The following NDFIP1 variants were observed in gnomAD, a reference collection of about 807,000 sequenced individuals.
NDFIP1 encodes the protein Nedd4 family interacting protein 1, also known as NEDD4 family-interacting protein 1.
NDFIP1 carries 7 observed loss-of-function variants against 28.8 expected under a neutral mutation model. The ratio of observed to expected loss-of-function variants is 0.24; its 90% confidence interval spans 0.14 to 0.46. The LOEUF (loss-of-function observed/expected upper bound fraction) is 0.46. Among genes scored for constraint, NDFIP1 ranks in the 20% least tolerant of loss-of-function variants. NDFIP1 has a pLI of 0.99. For missense variants in NDFIP1, 194 were observed against 269.1 expected (o/e 0.72, Z 1.95); for synonymous variants, 92 against 101.0 (o/e 0.91, Z 0.53).
chr5:142,112,184 G>A (rs1162378708), intron 1 of NDFIP1, among the ~76,000 whole-genome samples: 1 of 152,024 alleles, frequency 6.6e-6, no homozygotes, highest in Non-Finnish European at 1.5e-5. Flanking sequence ...TCAAGAGATT[G>A]AGACCATCCT....
chr5:142,133,115 C>T (rs1270879543), intron 3 of NDFIP1, among the ~76,000 whole-genome samples: 1 of 152,170 alleles, frequency 6.6e-6, no homozygotes, highest in Non-Finnish European at 1.5e-5. Context: ...TGGCATAGGC[C>T]CAGATGTTCC....
chr5:142,135,694 C>G (rs549528442), intron 3 of NDFIP1, 36 bp from the exon 4 acceptor site: 2 of 1,576,840 alleles, frequency 1.3e-6, no homozygotes, highest in East Asian at 2.2e-5. Flanking sequence ...TATGTCTTCC[C>G]TTTGCCTAGA....
Position 142,153,226 on chromosome 5 carries a change from T to C in NDFIP1, c.*1498T>C, listed in dbSNP as rs566827272. 1.2e-3 allele frequency: 532 copies of C among 452,158 alleles called. 2 individuals are homozygous for C. The highest frequency in any genetic ancestry group is 0.01 in the African/African-American group (500 of 49,800). The allele number at this position is 452,158 out of a possible 1,614,324, so 28.0% of individuals were successfully genotyped here. A position where few individuals can be genotyped will look rare whatever the true frequency, so the allele number is the denominator to read the frequency against. Reference sequence around the variant, plus strand: ...TCTATTCTTGTCTCAATCTTAAATTTAGAGACCAGTTGTTTTTATGATATC... The same window carrying C: ...TCTATTCTTGTCTCAATCTTAAATTCAGAGACCAGTTGTTTTTATGATATC... On this transcript the variant is annotated 3_prime_UTR_variant, in exon 8 of 8. Coordinates refer to ENST00000253814, the MANE Select transcript of NDFIP1 (RefSeq NM_030571.4).
chr5:142,129,606 G>T (rs2126916650), intron 1 of NDFIP1, among the ~76,000 whole-genome samples: 1 of 152,286 alleles, frequency 6.6e-6, no homozygotes, highest in East Asian at 1.9e-4. Flanking sequence ...AGCATAGTGA[G>T]TGGAGATTGA....
rs182131829 is a variant in NDFIP1 at position 142,110,667 on chromosome 5, C to A, written c.63+1630C>A. The stretch of plus-strand genomic sequence containing the variant: ...TAAAAGATGAAAGCCCAAAAAACTG[C>A]AAAACCCTCCCTAAACAAAAACCAA... On this transcript the variant is annotated intron_variant, in intron 1 of 7. Transcript: ENST00000253814. 1.9e-3 allele frequency among the ~76,000 whole-genome samples: 291 copies of A among 152,090 alleles called. 1 individual carries two copies. The highest frequency in any genetic ancestry group is 6.7e-3 in the African/African-American group (276 of 41,488).
intron 6 of NDFIP1, chr5:142,144,020 A>T (rs1596795055): frequency 1.0e-5 from 1 of 98,802 alleles, no homozygotes; most frequent in South Asian, 3.0e-4. Flanking sequence ...AATAATAATA[A>T]TAATAATAGT....
chr5:142,143,080 G>T (rs1757353166), intron 6 of NDFIP1: 1 of 151,406 alleles, frequency 6.6e-6, no homozygotes, highest in African/African-American at 2.4e-5. Context: ...GCAGAGCTCT[G>T]TGCAGAGCTC....
At chr5:142,151,205 T>C (rs980221648) in intron 7 of NDFIP1, among the ~76,000 whole-genome samples, 1 of 152,258 alleles carries the variant, frequency 6.6e-6, no homozygotes, top group Non-Finnish European at 1.5e-5. Flanking sequence ...TTAAAAGTAT[T>C]TGTGGTACCT....
intron 1 of NDFIP1, among the ~76,000 whole-genome samples, chr5:142,130,437 G>T (rs774738983): frequency 6.6e-6 from 1 of 152,158 alleles, no homozygotes; most frequent in African/African-American, 2.4e-5. Flanking sequence ...AATTATTTAA[G>T]ATTTAATTTG....
chr5:142,130,701 A>AT lies in NDFIP1; in HGVS notation c.64-1107_64-1106insT, dbSNP rs551998654. ...AGAGTGAGATCCTGTCTCTCCAAAAAAAAAAAAGTATGCAAGTGATAAATA... is the reference window on the plus strand; with the variant it reads ...AGAGTGAGATCCTGTCTCTCCAAAAATAAAAAAAGTATGCAAGTGATAAATA... On this transcript the variant is annotated intron_variant, in intron 1 of 7. Coordinates refer to ENST00000253814, the MANE Select transcript of NDFIP1 (RefSeq NM_030571.4). Among the ~76,000 whole-genome samples the AT allele has an allele frequency of 3.0e-4, 46 of 151,868 alleles. No individual in the cohort carries two copies. In the South Asian group the frequency reaches 9.1e-3, roughly 30 times the overall value.
intron 1 of NDFIP1, among the ~76,000 whole-genome samples, chr5:142,119,101 A>G (rs567009417): frequency 3.3e-5 from 5 of 152,346 alleles, no homozygotes; most frequent in Admixed American, 2.6e-4. Context: ...CACATCTGTA[A>G]CTATTTCTGT....
rs1757450900 is a variant in NDFIP1, at chr5:142,151,968, G to T, written c.*240G>T. ...GTGGTTAATGTTTGAAAAAGCTCTT[G>T]CAATCAAGTCTGTGATGTATTAATA... On this transcript the variant is annotated 3_prime_UTR_variant, in exon 8 of 8. Coordinates refer to ENST00000253814, the MANE Select transcript of NDFIP1 (RefSeq NM_030571.4). 6.5e-6 allele frequency: 1 copy of T among 152,696 alleles called. No homozygotes were observed. Among genetic ancestry groups the T allele is most frequent in the Non-Finnish European group, 1.5e-5 (1 of 68,034 alleles). 9.5% of individuals were successfully genotyped at this position (152,696 alleles called of 1,614,324 possible). A position where few individuals can be genotyped will look rare whatever the true frequency, so the allele number is the denominator to read the frequency against.
chr5:142,120,240 G>A (rs563045921), intron 1 of NDFIP1, among the ~76,000 whole-genome samples: 109 of 152,292 alleles, frequency 7.2e-4, no homozygotes, highest in African/African-American at 2.5e-3. Flanking sequence ...ACAGGCATGA[G>A]CCACTGCACC....
chr5:142,115,952 T>C (rs1459353413), intron 1 of NDFIP1, among the ~76,000 whole-genome samples: 1 of 152,206 alleles, frequency 6.6e-6, no homozygotes, highest in Admixed American at 6.5e-5. Flanking sequence ...TTGTATTAAG[T>C]GTTATAAGTA....
chr5:142,149,592 G>T (rs1360880238), intron 7 of NDFIP1, among the ~76,000 whole-genome samples: 1 of 152,080 alleles, frequency 6.6e-6, no homozygotes, highest in Non-Finnish European at 1.5e-5. Flanking sequence ...GTGCCCTCTA[G>T]CAGTCTTTCA....
At chr5:142,119,864 GAAAGCGCTACAGATAAAACCC>G (rs1229638711) in intron 1 of NDFIP1, among the ~76,000 whole-genome samples, 1 of 152,118 alleles carries the variant, frequency 6.6e-6, no homozygotes, top group Non-Finnish European at 1.5e-5. Flanking sequence ...TATAAAAATT[GAAAGCGCTACAGATAAAACCC>G]AAGTCCCTTT....
At chr5:142,133,953 TG>T (rs1757250363) in intron 3 of NDFIP1, 1 of 152,106 alleles carries the variant, frequency 6.6e-6, no homozygotes, top group South Asian at 2.1e-4. Context: ...GGAGTTTTGA[TG>T]GGTAAGAACA....
At chr5:142,136,931 C>G (rs1757282184) in intron 4 of NDFIP1, among the ~76,000 whole-genome samples, 1 of 144,300 alleles carries the variant, frequency 6.9e-6, no homozygotes, top group Admixed American at 7.0e-5. Context: ...GTTAGCCGGG[C>G]CTGGCGGTGC....
intron 7 of NDFIP1, 53 bp from the exon 8 acceptor site, chr5:142,151,678 G>C (rs1459374547): frequency 6.6e-6 from 1 of 152,408 alleles, no homozygotes; most frequent in Non-Finnish European, 1.5e-5. Flanking sequence ...CCTTCTCTTA[G>C]CCAAAATAAC....
Sources: gnomAD v4.1 joint callset for allele counts (sites outside exome capture counted in the v4.1 genomes callset) on GRCh38, gnomAD v4.1.1 for gene constraint, MANE v1.5 for transcripts, NCBI Gene and HGNC (gene_info 2026-07-23, HGNC 2026-07-21) for gene names.